TTPAL: variants seen among roughly 807,000 people sequenced by gnomAD.
The protein encoded by TTPAL is alpha-tocopherol transfer protein-like.
In TTPAL, 21 loss-of-function variants were observed where a neutral mutation model predicts 28.7. That is an observed-to-expected ratio of 0.73 (90% CI 0.52 to 1.06). The LOEUF is 1.06. Among genes scored for constraint, TTPAL ranks in the 50% least tolerant of loss-of-function variants. The pLI, the probability that TTPAL is intolerant of heterozygous loss-of-function variation, is 0.00. For missense variants in TTPAL, 345 were observed against 425.5 expected (o/e 0.81, Z 1.67); for synonymous variants, 169 against 171.9 (o/e 0.98, Z 0.13).
Position 44,491,543 on chromosome 20 carries a change from A to G in TTPAL, c.*2002A>G, listed in dbSNP as rs897074808. The G allele has an allele frequency of 1.3e-5, 2 of 152,358 alleles. No individual in the cohort carries two copies. Among genetic ancestry groups the G allele is most frequent in the Non-Finnish European group, 2.9e-5 (2 of 68,034 alleles). The allele number at this position is 152,358 out of a possible 1,614,324, so 9.4% of individuals were successfully genotyped here. ...CTGGATAAGTTGTTGGTGGAAATTA[A>G]GTTACTTAACCTCATTAATACCAAT... On this transcript the variant is annotated 3_prime_UTR_variant, in exon 5 of 5. Coordinates refer to ENST00000262605, the MANE Select transcript of TTPAL (RefSeq NM_001039199.3).
rs1482689137 is a variant in TTPAL at position 44,491,632 on chromosome 20, G to C, written c.*2091G>C. ...GATCCTCTACGGTACTGGCTGAGCT[G>C]GAAGTGCCAAAAAGCACTCCTGGCT... On this transcript the variant is annotated 3_prime_UTR_variant, in exon 5 of 5. Transcript: ENST00000262605. 1 of 152,276 alleles carries C rather than the reference G, an allele frequency of 6.6e-6. No individual in the cohort carries two copies. The highest frequency in any genetic ancestry group is 1.5e-5 in the Non-Finnish European group (1 of 68,060). 9.4% of individuals were successfully genotyped at this position (152,276 alleles called of 1,614,324 possible).
At position 44,490,491 on chromosome 20, in the gene TTPAL, A is replaced by G. The variant is rs1568775696; in HGVS notation, c.*950A>G. 6.6e-6 allele frequency: 1 copy of G among 152,370 alleles called. No individual in the cohort carries two copies. Among genetic ancestry groups the G allele is most frequent in the Non-Finnish European group, 1.5e-5 (1 of 68,044 alleles). The allele number at this position is 152,370 out of a possible 1,614,324, so 9.4% of individuals were successfully genotyped here. On this transcript the variant is annotated 3_prime_UTR_variant, in exon 5 of 5. Transcript: ENST00000262605. ...AATGTTAGATTTTCTGCCTAGAAAGATAACTATCTAGATACAAGTGGTTGG... is the reference window on the plus strand; with the variant it reads ...AATGTTAGATTTTCTGCCTAGAAAGGTAACTATCTAGATACAAGTGGTTGG...
At chr20:44,488,810 C>CA (rs1307075210) in intron 4 of TTPAL, among the ~76,000 whole-genome samples, 3 of 152,092 alleles carry the variant, frequency 2.0e-5, no homozygotes, top group African/African-American at 7.2e-5. Context: ...GAGGAGCACT[C>CA]AGAGAAGTAA....
chr20:44,480,505 G>T lies in TTPAL; in HGVS notation c.445+61G>T. 2 of 1,462,322 alleles carry T rather than the reference G, an allele frequency of 1.4e-6. No homozygotes were observed. The allele number at this position is 1,462,322 out of a possible 1,614,324, so 90.6% of individuals were successfully genotyped here. A position where few individuals can be genotyped will look rare whatever the true frequency, so the allele number is the denominator to read the frequency against. On this transcript the variant is annotated intron_variant, in intron 2 of 4. Coordinates refer to ENST00000262605, the MANE Select transcript of TTPAL (RefSeq NM_001039199.3). The surrounding 1 kb of genome is among the most constrained non-coding windows in gnomAD (Gnocchi z 4.1). The stretch of plus-strand genomic sequence containing the variant: ...AGTCCTTCTGCAGTGTGTCCATTCA[G>T]CACCCTGTCCTCCTTTCCAAGTCCC...
At position 44,486,670 on chromosome 20, in the gene TTPAL, C is replaced by G; in HGVS notation, c.714C>G (p.Ile238Met). 6.2e-7 allele frequency: 1 copy of G among 1,612,366 alleles called. No homozygotes were observed. Among genetic ancestry groups the G allele is most frequent in the East Asian group, 2.2e-5 (1 of 44,824 alleles). The change falls in exon 4 of 5, where the codon ATC (isoleucine) becomes ATG (methionine). Residue 238 changes from isoleucine (I) to methionine (M), a missense_variant. Ile to Met is a conservative substitution (Grantham distance 10). Coordinates refer to ENST00000262605, the MANE Select transcript of TTPAL (RefSeq NM_001039199.3). ...EPRIFKGIFA[I>M]IKPFLKEKIA... The stretch of plus-strand genomic sequence containing the variant: ...GAATATTTAAAGGCATTTTTGCCAT[C>G]ATAAAACCATTTCTAAAGGAGAAAA...
intron 1 of TTPAL, among the ~76,000 whole-genome samples, chr20:44,477,001 G>T (rs1308376083): frequency 6.6e-6 from 1 of 152,230 alleles, no homozygotes; most frequent in African/African-American, 2.4e-5. Context: ...AGGATTCACT[G>T]AGGTGGTGAC....
Position 44,489,397 on chromosome 20 carries a change from C to T in TTPAL, c.885C>T (p.Asp295=), listed in dbSNP as rs75021846. Residue 295 remains aspartate (D), a synonymous_variant, in exon 5 of 5, where the codon GAC becomes GAT. Coordinates refer to ENST00000262605, the MANE Select transcript of TTPAL (RefSeq NM_001039199.3). Reference sequence around the variant, plus strand: ...ACGCGGTACTGCTGGCTTCAGAAGACGATTTTGTGAAAGAGTTCTGCCAAC... The same window carrying T: ...ACGCGGTACTGCTGGCTTCAGAAGATGATTTTGTGAAAGAGTTCTGCCAAC... The part of the protein sequence containing the change: ...TWNAVLLASE[D]DFVKEFCQPV... 7,862 of 1,614,170 alleles carry T rather than the reference C, an allele frequency of 4.9e-3. 24 individuals are homozygous for T. The highest frequency in any genetic ancestry group is 6.2e-3 in the Non-Finnish European group (7,313 of 1,180,032).
intron 3 of TTPAL, chr20:44,486,209 G>A (rs1428431044): frequency 1.3e-5 from 2 of 153,066 alleles, no homozygotes; most frequent in Non-Finnish European, 2.9e-5. Context: ...GCCTCTCCAA[G>A]TAGCTGGGAT....
rs184528788 is a variant in TTPAL, at chr20:44,489,625, C to G, written c.*84C>G. ...AGGAGAATTTAAGGGTCCATGGATTCAGTCTTGCTCCTTGTAATTAAACTG... is the reference window on the plus strand; with the variant it reads ...AGGAGAATTTAAGGGTCCATGGATTGAGTCTTGCTCCTTGTAATTAAACTG... On this transcript the variant is annotated 3_prime_UTR_variant, in exon 5 of 5. Transcript: ENST00000262605. The G allele has an allele frequency of 3.4e-5, 48 of 1,393,260 alleles. No homozygotes were observed. The Admixed American group carries it at 3.8e-4, about 11-fold the overall frequency. The allele number at this position is 1,393,260 out of a possible 1,614,324, so 86.3% of individuals were successfully genotyped here.
In TTPAL at chr20:44,489,506, C is replaced by T. The variant is rs1259122244; in HGVS notation, c.994C>T (p.Arg332Ter). ...TSDAQCDDSLRAVKSQLYSCY is the reference protein window; with the variant it reads ...TSDAQCDDSL ...AGATGCACAGTGTGACGACTCCTTGCGAGCTGTGAAGTCACAGCTGTACTC... is the reference window on the plus strand; with the variant it reads ...AGATGCACAGTGTGACGACTCCTTGTGAGCTGTGAAGTCACAGCTGTACTC... Residue 332 changes from arginine (R) to a stop codon, truncating the protein, a stop_gained, in exon 5 of 5, where the codon CGA (arginine) becomes TGA (stop). Transcript: ENST00000262605. LOFTEE classifies it high-confidence loss of function. 2.5e-6 allele frequency: 4 copies of T among 1,614,214 alleles called. No homozygotes were observed. The highest frequency in any genetic ancestry group is 3.4e-6 in the Non-Finnish European group (4 of 1,180,034).
Position 44,483,230 on chromosome 20 carries a change from A to C in TTPAL, c.446-1107A>C, listed in dbSNP as rs117033182. Among the ~76,000 whole-genome samples, 550 of 152,294 alleles carry C rather than the reference A, an allele frequency of 3.6e-3. 12 individuals are homozygous for C. Among genetic ancestry groups the C allele is most frequent in the East Asian group, 0.031 (159 of 5,172 alleles). On this transcript the variant is annotated intron_variant, in intron 2 of 4. Coordinates refer to ENST00000262605, the MANE Select transcript of TTPAL (RefSeq NM_001039199.3). ...ACAAACAAAAAAACCTCAGTTGCTC[A>C]GATAACTGAGGTCTAGCCGTATTTC...
rs752479433 is a variant in TTPAL, at chr20:44,488,365, T to A, written c.751-898T>A. Among the ~76,000 whole-genome samples the A allele has an allele frequency of 5.9e-5, 9 of 152,348 alleles. No individual in the cohort carries two copies. The South Asian group carries it at 1.4e-3, about 25-fold the overall frequency. ...TTTTACATCTGTGAAATGCGCTGATTTGGGGCCCACAATGTTCTTCGTTTG... is the reference window on the plus strand; with the variant it reads ...TTTTACATCTGTGAAATGCGCTGATATGGGGCCCACAATGTTCTTCGTTTG... On this transcript the variant is annotated intron_variant, in intron 4 of 4. Transcript: ENST00000262605.
chr20:44,487,891 C>T (rs1273686504), intron 4 of TTPAL, among the ~76,000 whole-genome samples: 3 of 152,252 alleles, frequency 2.0e-5, no homozygotes, highest in East Asian at 1.9e-4. Flanking sequence ...GCCTCAGCCT[C>T]CCCAGTAGCT....
At chr20:44,483,176 CA>C (rs1455945599) in intron 2 of TTPAL, among the ~76,000 whole-genome samples, 1 of 152,178 alleles carries the variant, frequency 6.6e-6, no homozygotes, top group Non-Finnish European at 1.5e-5. Context: ...GTCTGTGTGG[CA>C]AGTGACAGCC....
intron 3 of TTPAL, among the ~76,000 whole-genome samples, chr20:44,484,864 A>G (rs1005580848): frequency 6.6e-6 from 1 of 152,168 alleles, no homozygotes; most frequent in Non-Finnish European, 1.5e-5. Context: ...CTGTAATCCA[A>G]TTCTTTGGGA....
intron 2 of TTPAL, among the ~76,000 whole-genome samples, chr20:44,483,473 C>T (rs1332058497): frequency 1.3e-5 from 2 of 152,184 alleles, no homozygotes; most frequent in Non-Finnish European, 2.9e-5. Context: ...TTGGATCACA[C>T]ACTGTGGCCA....
chr20:44,480,360 T>G lies in TTPAL; in HGVS notation c.361T>G (p.Leu121Val), dbSNP rs748261110. The G allele has an allele frequency of 6.2e-7, 1 of 1,614,018 alleles. No individual in the cohort carries two copies. Among genetic ancestry groups the G allele is most frequent in the East Asian group, 2.2e-5 (1 of 44,888 alleles). The change falls in exon 2 of 5, where the codon TTA (leucine) becomes GTA (valine). Residue 121 changes from leucine to valine, a missense_variant. By Grantham distance (32) the Leu-to-Val change is conservative (BLOSUM62 1). Transcript: ENST00000262605. The surrounding 1 kb of genome is among the most constrained non-coding windows in gnomAD (Gnocchi z 4.1). ...CTTCAATAACTTGAAGCCATCAGCC[T>G]TAAAAGATGTCCTTGCTTCCGGGTT... ...EVFNNLKPSA[L>V]KDVLASGFLT...
At chr20:44,488,570 G>GAA (rs1411576315) in intron 4 of TTPAL, among the ~76,000 whole-genome samples, 3 of 152,146 alleles carry the variant, frequency 2.0e-5, no homozygotes, top group African/African-American at 7.2e-5. Flanking sequence ...ATAAAGCAGA[G>GAA]AAAAGTATAG....
Position 44,492,386 on chromosome 20 carries a change from T to A in TTPAL, c.*2845T>A, listed in dbSNP as rs1385369837. On this transcript the variant is annotated 3_prime_UTR_variant, in exon 5 of 5. Transcript: ENST00000262605. ...AATTAACTTTTCCCTAAATTCAAGA[T>A]AGTGTGGTGTCGGAAGGAAATGGGA... The A allele has an allele frequency of 2.0e-5, 3 of 152,292 alleles. No homozygotes were observed. The highest frequency in any genetic ancestry group is 7.2e-5 in the African/African-American group (3 of 41,428). The allele number at this position is 152,292 out of a possible 1,614,324, so 9.4% of individuals were successfully genotyped here.
Sources: allele counts gnomAD v4.1 joint callset (sites outside exome capture counted in the v4.1 genomes callset), GRCh38; gene constraint gnomAD v4.1.1; non-coding constraint Gnocchi (gnomAD v3.1); transcripts MANE v1.5; gene names NCBI Gene and HGNC (gene_info 2026-07-23, HGNC 2026-07-21).